OPRM1: variants seen among roughly 807,000 people sequenced by gnomAD.
OPRM1 encodes mu-type opioid receptor.
Under a neutral mutation model 31.8 loss-of-function variants are expected in OPRM1, and 27 were observed. That is an observed-to-expected ratio of 0.85 (90% confidence interval 0.63 to 1.17). The LOEUF is 1.17. Among genes scored for constraint, OPRM1 ranks in the 50% most tolerant of loss-of-function variants. OPRM1 has a pLI of 0.00. For synonymous variants in OPRM1, 196 were observed against 189.9 expected, an observed-to-expected ratio of 1.03 and a Z score of -0.26; for missense variants, 536 against 511.1, an observed-to-expected ratio of 1.05 and a Z score of -0.47.
At position 154,087,007 on chromosome 6, in the gene OPRM1, C is replaced by T. The variant is rs896217083; in HGVS notation, c.291-2819C>T. Reference sequence around the variant, plus strand: ...ACTTTGGAGTATTTGTCTACATTATCCTTTTTATATTTGCCATATTTAAAG... The same window carrying T: ...ACTTTGGAGTATTTGTCTACATTATTCTTTTTATATTTGCCATATTTAAAG... On this transcript the variant is annotated intron_variant, in intron 1 of 3. Coordinates refer to ENST00000330432, the MANE Select transcript of OPRM1 (RefSeq NM_000914.5). 9 of 983,670 alleles carry T rather than the reference C, an allele frequency of 9.1e-6. No homozygotes were observed. The South Asian group carries it at 3.8e-4, about 41-fold the overall frequency. 60.9% of individuals were successfully genotyped at this position (983,670 alleles called of 1,614,324 possible).
intron 3 of OPRM1, among the ~76,000 whole-genome samples, chr6:154,092,535 G>T (rs766451089): frequency 6.6e-6 from 1 of 152,190 alleles, no homozygotes; most frequent in African/African-American, 2.4e-5. Context: ...AGGACAGATG[G>T]CTCCGGAGAA....
At chr6:154,160,039 C>T in intron 3 of OPRM1, 4 of 1,608,820 alleles carry the variant, frequency 2.5e-6, no homozygotes, top group Non-Finnish European at 3.4e-6. Context: ...ATGTTCTTTA[C>T]ACTGTGTGAG....
intron 3 of OPRM1, among the ~76,000 whole-genome samples, chr6:154,240,759 C>T (rs923591417): frequency 2.6e-5 from 4 of 152,182 alleles, no homozygotes; most frequent in Non-Finnish European, 5.9e-5. Flanking sequence ...TGGAACACAT[C>T]TCATGCAGAC....
chr6:154,205,697 G>A (rs763947065), intron 3 of OPRM1, among the ~76,000 whole-genome samples: 23 of 152,048 alleles, frequency 1.5e-4, no homozygotes, highest in Non-Finnish European at 2.2e-4. Context: ...GAATTTGAGC[G>A]GCTGTGTATT....
intron 1 of OPRM1, among the ~76,000 whole-genome samples, chr6:154,045,225 A>C (rs1780887655): frequency 6.6e-6 from 1 of 152,122 alleles, no homozygotes; most frequent in African/African-American, 2.4e-5. Flanking sequence ...ACTCCGACTC[A>C]AACAAAAAAA....
intron 3 of OPRM1, among the ~76,000 whole-genome samples, chr6:154,206,428 C>T (rs990344729): frequency 6.6e-6 from 1 of 152,186 alleles, no homozygotes; most frequent in Non-Finnish European, 1.5e-5. Context: ...ATCACTCACC[C>T]ATCCATCTGT....
At position 154,089,455 on chromosome 6, in the gene OPRM1, G is replaced by A. The variant is rs116408218; in HGVS notation, c.291-371G>A. On this transcript the variant is annotated intron_variant, in intron 1 of 3. Coordinates refer to ENST00000330432, the MANE Select transcript of OPRM1 (RefSeq NM_000914.5). ...TTTTTAAAATTAACAGGGTATGGTG[G>A]CATGCACCTGGGATCCCAGTTATTC... Among the ~76,000 whole-genome samples the A allele has an allele frequency of 3.3e-3, 496 of 151,994 alleles. 2 individuals are homozygous for A. The highest frequency in any genetic ancestry group is 0.012 in the African/African-American group (483 of 41,432).
intron 1 of OPRM1, among the ~76,000 whole-genome samples, chr6:154,016,275 AAGC>A (rs1411204160): frequency 2.0e-5 from 3 of 152,314 alleles, no homozygotes; most frequent in South Asian, 4.1e-4. Flanking sequence ...CAATTATAAA[AAGC>A]AGTGAAATAT....
chr6:154,086,969 T>G, intron 1 of OPRM1: 1 of 984,260 alleles, frequency 1.0e-6, no homozygotes, highest in African/African-American at 1.7e-5. Flanking sequence ...TTTGCTTTTT[T>G]GTTGGTTTTT....
chr6:154,219,648 A>AG (rs1001241096), intron 3 of OPRM1, among the ~76,000 whole-genome samples: 8 of 152,154 alleles, frequency 5.3e-5, no homozygotes, highest in Admixed American at 1.3e-4. Flanking sequence ...TAAAAAAAAA[A>AG]TAAGTAAAGA....
chr6:154,233,688 G>A (rs1231089632), intron 3 of OPRM1, among the ~76,000 whole-genome samples: 1 of 152,194 alleles, frequency 6.6e-6, no homozygotes, highest in Non-Finnish European at 1.5e-5. Context: ...GAAGAGGGGA[G>A]GGTTCTGCAG....
At chr6:154,088,101 G>C (rs1020673499) in intron 1 of OPRM1, among the ~76,000 whole-genome samples, 10 of 150,134 alleles carry the variant, frequency 6.7e-5, no homozygotes, top group African/African-American at 1.2e-4. Flanking sequence ...AAAAAAAACA[G>C]ATGAATGCAT....
At chr6:154,152,170 C>CCA in intron 3 of OPRM1, among the ~76,000 whole-genome samples, 1 of 106,996 alleles carries the variant, frequency 9.3e-6, no homozygotes, top group South Asian at 4.2e-4. Flanking sequence ...ACTTTGAAAA[C>CCA]AAAAAAAAAA....
chr6:154,223,940 T>C (rs1398812000), intron 3 of OPRM1, among the ~76,000 whole-genome samples: 2 of 152,242 alleles, frequency 1.3e-5, no homozygotes, highest in South Asian at 2.1e-4. Context: ...AGCATAAATG[T>C]CACTTTACAT....
intron 1 of OPRM1, among the ~76,000 whole-genome samples, chr6:154,014,571 C>A (rs1235369274): frequency 6.8e-6 from 1 of 146,718 alleles, no homozygotes; most frequent in Non-Finnish European, 1.5e-5. Context: ...TTTGCTTATG[C>A]TGAATTTAGA....
At chr6:154,091,960 A>G in intron 3 of OPRM1, 1 of 985,724 alleles carries the variant, frequency 1.0e-6, no homozygotes, top group Non-Finnish European at 1.2e-6. Context: ...AGCATCATGG[A>G]AAAGGAGAAA....
chr6:154,085,154 T>C (rs532418664), intron 1 of OPRM1, among the ~76,000 whole-genome samples: 7 of 152,214 alleles, frequency 4.6e-5, no homozygotes, highest in Admixed American at 1.3e-4. Context: ...ATTTTGTAAG[T>C]AGTAATAGTT....
At chr6:154,087,359 T>C in intron 1 of OPRM1, 1 of 985,458 alleles carries the variant, frequency 1.0e-6, no homozygotes, top group Non-Finnish European at 1.2e-6. Flanking sequence ...AACAGCTGTC[T>C]TGGGCTGAAT....
At position 154,120,891 on chromosome 6, in the gene OPRM1, C is replaced by A. The variant is rs1275236419; in HGVS notation, c.*2170C>A. Among the ~76,000 whole-genome samples the A allele has an allele frequency of 6.6e-6, 1 of 152,116 alleles. No individual in the cohort carries two copies. The highest frequency in any genetic ancestry group is 1.5e-5 in the Non-Finnish European group (1 of 67,990). On this transcript the variant is annotated 3_prime_UTR_variant, in exon 4 of 4. Transcript: ENST00000330432. ...TGTGAACAAGTTTCTTCCATGTCAT[C>A]TTTGAGACTCTACACAGAATACACA...
Sources: gnomAD v4.1 joint callset for allele counts (sites outside exome capture counted in the v4.1 genomes callset) on GRCh38, gnomAD v4.1.1 for gene constraint, MANE v1.5 for transcripts, NCBI Gene and HGNC (gene_info 2026-07-23, HGNC 2026-07-21) for gene names.